SHBG: variants seen among roughly 807,000 people sequenced by gnomAD.
SHBG encodes the protein sex hormone-binding globulin.
In SHBG, 37 loss-of-function variants were observed where a neutral mutation model predicts 41.9. The observed-to-expected ratio is 0.88, with a 90% CI of 0.68 to 1.16. SHBG has a LOEUF of 1.16. SHBG is among the 50% of genes most tolerant of loss of function. SHBG has a pLI of 0.00. For missense variants in SHBG, 466 were observed against 499.9 expected (o/e 0.93, Z 0.65); for synonymous variants, 217 against 205.8 (o/e 1.05, Z -0.47).
upstream of SHBG, chr17:7,626,128 A>T: frequency 4.7e-6 from 1 of 211,568 alleles, no homozygotes; most frequent in Non-Finnish European, 9.4e-6. Flanking sequence ...CGTGAGGCAG[A>T]GGTTGCAGTG....
chr17:7,632,715 C>T, intron 6 of SHBG, 37 bp from the exon 7 acceptor site: 7 of 1,528,422 alleles, frequency 4.6e-6, no homozygotes, highest in Non-Finnish European at 5.4e-6. Context: ...TCATTCTTCC[C>T]TCTCTCTCTA....
At chr17:7,627,707 C>G (rs557032924), upstream of SHBG, 2 of 1,545,296 alleles carry the variant, frequency 1.3e-6, no homozygotes, top group African/African-American at 2.7e-5. The surrounding 1 kb of genome is among the most constrained non-coding windows in gnomAD (Gnocchi z 4.8). Context: ...AAAGGGCCTA[C>G]GGACTTGGAT....
chr17:7,620,916 C>T (rs2072081024), intron 1 of SHBG, among the ~76,000 whole-genome samples: 1 of 151,734 alleles, frequency 6.6e-6, no homozygotes, highest in Admixed American at 6.6e-5. Flanking sequence ...CGGGCATGTG[C>T]CACCGTGCCC....
rs781725869 is a variant in SHBG, at chr17:7,621,639, T to A, written c.-62+7528T>A. Among the ~76,000 whole-genome samples the A allele has an allele frequency of 1.1e-3, 157 of 143,446 alleles. 2 individuals are homozygous for A. Among genetic ancestry groups the A allele is most frequent in the Non-Finnish European group, 7.6e-4 (50 of 66,042 alleles). The allele number at this position is 143,446 out of a possible 152,430, so 94.1% of individuals were successfully genotyped here. On this transcript the variant is annotated intron_variant, in intron 1 of 5. Transcript: ENST00000570547. ...AAAAAAAAAAACCAGCTGCATAAACTGGTCTCAAAATAAAGAAATAAATTA... is the reference window on the plus strand; with the variant it reads ...AAAAAAAAAAACCAGCTGCATAAACAGGTCTCAAAATAAAGAAATAAATTA...
chr17:7,632,926 C>A lies in SHBG; in HGVS notation c.1027C>A (p.Pro343Thr). Reference protein sequence around the residue: ...LAPLLNLWAKPQGRLFLGALP... With the variant: ...LAPLLNLWAKTQGRLFLGALP... ...TCCCCTCCTTAACCTCTGGGCCAAG[C>A]CTCAAGGGCGTCTCTTCCTGGGGGC... Residue 343 changes from proline to threonine, a missense_variant, in exon 7 of 8, where the codon CCT becomes ACT. Pro to Thr is a conservative substitution (Grantham distance 38). Transcript: ENST00000380450. 6.2e-7 allele frequency: 1 copy of A among 1,614,126 alleles called. No individual in the cohort carries two copies. The highest frequency in any genetic ancestry group is 1.1e-5 in the South Asian group (1 of 91,084).
Position 7,622,596 on chromosome 17 carries a change from G to T in SHBG, c.-61-7822G>T, listed in dbSNP as rs533721731. Among the ~76,000 whole-genome samples, 6 of 152,152 alleles carry T rather than the reference G, an allele frequency of 3.9e-5. No homozygotes were observed. The South Asian group carries it at 1.2e-3, about 32-fold the overall frequency. On this transcript the variant is annotated intron_variant, in intron 1 of 5. Transcript: ENST00000570547. Reference sequence around the variant, plus strand: ...CCTGGCCAGGATCATTTTATAGATGGCTAATGAAGTGATGAATGGGCTGGA... The same window carrying T: ...CCTGGCCAGGATCATTTTATAGATGTCTAATGAAGTGATGAATGGGCTGGA...
chr17:7,623,246 C>T (rs2072131397), upstream of SHBG, among the ~76,000 whole-genome samples: 1 of 152,002 alleles, frequency 6.6e-6, no homozygotes, highest in Non-Finnish European at 1.5e-5. Context: ...ACAAAATTAG[C>T]CAGGCGTAGT....
intron 1 of SHBG, chr17:7,614,546 C>A (rs930770254): frequency 2.1e-6 from 3 of 1,448,272 alleles, no homozygotes; most frequent in Non-Finnish European, 2.7e-6. Context: ...GCCGCCACCG[C>A]CTCCGACTCC....
At chr17:7,628,324 C>T (rs1021486733), upstream of SHBG, among the ~76,000 whole-genome samples, 4 of 152,028 alleles carry the variant, frequency 2.6e-5, no homozygotes, top group Admixed American at 1.3e-4. Context: ...GGTGTAGTGG[C>T]GCGATCTCTG....
At chr17:7,625,616 C>T (rs1322984520), upstream of SHBG, among the ~76,000 whole-genome samples, 6 of 151,746 alleles carry the variant, frequency 4.0e-5, no homozygotes, top group Admixed American at 1.3e-4. Context: ...GTGGGCTGGG[C>T]GCGGTGGCTC....
chr17:7,614,138 C>G (rs2071908894), intron 1 of SHBG: 4 of 597,008 alleles, frequency 6.7e-6, no homozygotes, highest in Non-Finnish European at 1.3e-5. Flanking sequence ...ACAACGGACA[C>G]AGTCAATTAG....
chr17:7,632,154 C>T, intron 6 of SHBG, 139 bp downstream of exon 6: 1 of 951,110 alleles, frequency 1.1e-6, no homozygotes, highest in East Asian at 2.4e-5. Flanking sequence ...AATTGTTTTT[C>T]ATTAATAATT....
At position 7,631,919 on chromosome 17, in the gene SHBG, G is replaced by C; in HGVS notation, c.756G>C (p.Leu252Phe). Reference protein sequence around the residue: ...QPHAEPWAFSLDLGLKQAAGS... With the variant: ...QPHAEPWAFSFDLGLKQAAGS... ...ATGCAGAGCCCTGGGCCTTCTCTTT[G>C]GACCTGGGACTCAAGCAGGCAGCAG... is the stretch of plus-strand genomic sequence containing the variant. Residue 252 changes from leucine (L) to phenylalanine (F), a missense_variant, in exon 6 of 8, where the codon TTG becomes TTC. Leu to Phe is a conservative substitution (Grantham distance 22). Coordinates refer to ENST00000380450, the MANE Select transcript of SHBG (RefSeq NM_001040.5). 6.2e-7 allele frequency: 1 copy of C among 1,613,982 alleles called. No individual in the cohort carries two copies. The highest frequency in any genetic ancestry group is 8.5e-7 in the Non-Finnish European group (1 of 1,180,014).
chr17:7,631,920 G>C lies in SHBG; in HGVS notation c.757G>C (p.Asp253His). The C allele has an allele frequency of 6.2e-7, 1 of 1,613,982 alleles. No homozygotes were observed. Among genetic ancestry groups the C allele is most frequent in the South Asian group, 1.1e-5 (1 of 91,072 alleles). ...TGCAGAGCCCTGGGCCTTCTCTTTG[G>C]ACCTGGGACTCAAGCAGGCAGCAGG... ...PHAEPWAFSL[D>H]LGLKQAAGSG... is the part of the protein sequence containing the mutation. The change falls in exon 6 of 8, where the codon GAC becomes CAC. Residue 253 changes from aspartate (D) to histidine (H), a missense_variant. Coordinates refer to ENST00000380450, the MANE Select transcript of SHBG (RefSeq NM_001040.5).
chr17:7,624,564 C>T (rs186214780), upstream of SHBG, among the ~76,000 whole-genome samples: 1 of 152,164 alleles, frequency 6.6e-6, no homozygotes, highest in Admixed American at 6.5e-5. Flanking sequence ...TGTGGTCTTG[C>T]CCATGTTGCC....
chr17:7,629,816 T>C (rs1050012294), upstream of SHBG, among the ~76,000 whole-genome samples: 5 of 152,182 alleles, frequency 3.3e-5, no homozygotes, highest in African/African-American at 1.2e-4. Context: ...GGACTGTTTC[T>C]AGACCTCAGG....
At chr17:7,625,373 C>T (rs531226561), upstream of SHBG, among the ~76,000 whole-genome samples, 15 of 149,800 alleles carry the variant, frequency 1.0e-4, no homozygotes, top group African/African-American at 3.2e-4. Context: ...GTCAGGAGAT[C>T]GAGACCATCC....
upstream of SHBG, among the ~76,000 whole-genome samples, chr17:7,625,287 A>C (rs1402636689): frequency 6.6e-6 from 1 of 151,704 alleles, no homozygotes; most frequent in Non-Finnish European, 1.5e-5. Context: ...ATTGAAAATG[A>C]AGACTGTCAG....
At chr17:7,615,030 C>G (rs567251925) in intron 1 of SHBG, among the ~76,000 whole-genome samples, 13 of 152,208 alleles carry the variant, frequency 8.5e-5, no homozygotes, top group South Asian at 2.1e-4. Flanking sequence ...TCTCACTCCC[C>G]CTCCTGGTCG....
Sources: allele counts gnomAD v4.1 joint callset (sites outside exome capture counted in the v4.1 genomes callset), GRCh38; gene constraint gnomAD v4.1.1; non-coding constraint Gnocchi (gnomAD v3.1); transcripts MANE v1.5; gene names NCBI Gene and HGNC (gene_info 2026-07-23, HGNC 2026-07-21).